LGSN: variants seen among roughly 807,000 people sequenced by gnomAD.
LGSN encodes the protein lengsin.
Under a neutral mutation model 19.5 loss-of-function variants are expected in LGSN, and 21 were observed. That is an observed-to-expected ratio of 1.07 (90% CI 0.76 to 1.55). LGSN has a LOEUF of 1.55. Ranked by LOEUF, LGSN falls within the 40% of genes most tolerant of loss-of-function variation. LGSN has a pLI of 0.00. For missense variants in LGSN, 673 were observed against 608.5 expected (o/e 1.11, Z -1.12); for synonymous variants, 257 against 215.6 (o/e 1.19, Z -1.68).
At chr6:63,294,793 A>G in intron 2 of LGSN, 120 bp downstream of exon 2, 2 of 960,010 alleles carry the variant, frequency 2.1e-6, no homozygotes, top group Non-Finnish European at 3.3e-6. Context: ...ATGTAGGAAT[A>G]ACTTTTATTT....
At chr6:63,443,252 G>A in the LGSN span, among the ~76,000 whole-genome samples, 5 of 152,328 alleles carry the variant, frequency 3.3e-5, no homozygotes, top group Non-Finnish European at 5.9e-5. Context: ...GGGGCCTGCC[G>A]AGCCCGCGCC....
At chr6:63,464,975 G>C in the LGSN span, among the ~76,000 whole-genome samples, 2 of 146,246 alleles carry the variant, frequency 1.4e-5, no homozygotes, top group South Asian at 2.2e-4. Flanking sequence ...GCAGTGAGCT[G>C]AGATCACACC....
the LGSN span, among the ~76,000 whole-genome samples, chr6:63,545,637 A>G: frequency 1.4e-4 from 21 of 152,196 alleles, no homozygotes; most frequent in South Asian, 3.3e-3. Flanking sequence ...AAAGAAAGAA[A>G]TTTCCAATCT....
the LGSN span, among the ~76,000 whole-genome samples, chr6:63,450,433 C>T: frequency 6.6e-6 from 1 of 151,028 alleles, no homozygotes; most frequent in Non-Finnish European, 1.5e-5. Flanking sequence ...GTAATCCCAG[C>T]TACTCAGGAG....
the LGSN span, among the ~76,000 whole-genome samples, chr6:63,517,182 T>C: frequency 1.3e-5 from 2 of 152,198 alleles, no homozygotes; most frequent in Non-Finnish European, 2.9e-5. Context: ...TATTATGGTC[T>C]AACTATTCAG....
chr6:63,338,356 C>T, the LGSN span, among the ~76,000 whole-genome samples: 1 of 152,160 alleles, frequency 6.6e-6, no homozygotes. Flanking sequence ...TCCATAGCAC[C>T]TGTCTGCTCT....
intron 1 of LGSN, among the ~76,000 whole-genome samples, chr6:63,318,468 G>T (rs1768951857): frequency 6.6e-6 from 1 of 152,064 alleles, no homozygotes; most frequent in Non-Finnish European, 1.5e-5. Context: ...ACCTATACAG[G>T]AGAGTATAAA....
At chr6:63,438,905 G>A in the LGSN span, among the ~76,000 whole-genome samples, 670 of 152,236 alleles carry the variant, frequency 4.4e-3, 2 homozygotes, top group African/African-American at 0.016. Context: ...ACATGCACAC[G>A]TATGTTTATT....
At chr6:63,523,756 C>T in the LGSN span, among the ~76,000 whole-genome samples, 3 of 151,964 alleles carry the variant, frequency 2.0e-5, no homozygotes, top group African/African-American at 7.3e-5. Flanking sequence ...CATCAGCTAT[C>T]GTTAGTGTTA....
the LGSN span, among the ~76,000 whole-genome samples, chr6:63,492,752 A>G: frequency 2.0e-5 from 3 of 152,198 alleles, no homozygotes; most frequent in African/African-American, 7.2e-5. Context: ...GTAAATACAC[A>G]TCTATATAAA....
the LGSN span, among the ~76,000 whole-genome samples, chr6:63,449,854 A>G: frequency 6.6e-6 from 1 of 152,238 alleles, no homozygotes. Context: ...AATGTAAGCC[A>G]CTATGTGGCT....
the LGSN span, among the ~76,000 whole-genome samples, chr6:63,536,098 G>C: frequency 6.6e-6 from 1 of 151,796 alleles, no homozygotes; most frequent in Non-Finnish European, 1.5e-5. Flanking sequence ...TTGGGAGGCC[G>C]AGGCCGGTGC....
the LGSN span, among the ~76,000 whole-genome samples, chr6:63,454,391 A>T: frequency 2.0e-5 from 3 of 152,008 alleles, no homozygotes; most frequent in African/African-American, 7.2e-5. Flanking sequence ...GACTAATTTC[A>T]GCTTAAGTAA....
the LGSN span, among the ~76,000 whole-genome samples, chr6:63,373,033 A>C: frequency 6.6e-6 from 1 of 152,192 alleles, no homozygotes; most frequent in Non-Finnish European, 1.5e-5. Context: ...CATTAACTGC[A>C]CTGGTGACAC....
At chr6:63,503,593 T>C in the LGSN span, among the ~76,000 whole-genome samples, 1 of 152,194 alleles carries the variant, frequency 6.6e-6, no homozygotes, top group African/African-American at 2.4e-5. Context: ...ATAGGTCTGC[T>C]GAGTAAAAGT....
At chr6:63,302,888 A>C (rs527776252) in intron 1 of LGSN, among the ~76,000 whole-genome samples, 1 of 152,284 alleles carries the variant, frequency 6.6e-6, no homozygotes, top group African/African-American at 2.4e-5. Flanking sequence ...GCACTTTGGG[A>C]TGCCGAGGTA....
chr6:63,562,966 T>C, the LGSN span, among the ~76,000 whole-genome samples: 1 of 152,242 alleles, frequency 6.6e-6, no homozygotes, highest in Non-Finnish European at 1.5e-5. Context: ...TATCTCTGTT[T>C]GGCCTTTGAC....
At chr6:63,556,898 C>T in the LGSN span, among the ~76,000 whole-genome samples, 7 of 152,324 alleles carry the variant, frequency 4.6e-5, no homozygotes, top group Middle Eastern at 3.4e-3. Context: ...TTATCATCAT[C>T]ACTTCTTGAT....
the LGSN span, among the ~76,000 whole-genome samples, chr6:63,432,091 A>AGG: frequency 3.4e-4 from 7 of 20,696 alleles, no homozygotes; most frequent in Non-Finnish European, 4.8e-4. Context: ...AAAAGAAGGA[A>AGG]AGAAAGAAAG....
Sources: gnomAD v4.1 joint callset for allele counts (sites outside exome capture counted in the v4.1 genomes callset) on GRCh38, gnomAD v4.1.1 for gene constraint, MANE v1.5 for transcripts, NCBI Gene and HGNC (gene_info 2026-07-23, HGNC 2026-07-21) for gene names.